SHTN1: variants seen among roughly 807,000 people sequenced by gnomAD.
SHTN1 encodes shootin 1.
SHTN1 carries 42 observed loss-of-function variants against 83.1 expected under a neutral mutation model. The observed-to-expected ratio is 0.51, with a 90% CI of 0.39 to 0.65. SHTN1 has a LOEUF of 0.65. Ranked by LOEUF, SHTN1 falls within the 30% of genes least tolerant of loss-of-function variation. The pLI, the probability that SHTN1 is intolerant of heterozygous loss-of-function variation, is 0.00. For synonymous variants in SHTN1, 224 were observed against 247.7 expected (o/e 0.90, Z 0.90); for missense variants, 622 against 737.8 (o/e 0.84, Z 1.82).
intron 2 of SHTN1, among the ~76,000 whole-genome samples, chr10:117,042,073 G>C (rs900471136): frequency 6.6e-6 from 1 of 152,144 alleles, no homozygotes. Flanking sequence ...AGAGGAAGCA[G>C]GTAAGGAGAA....
At chr10:117,040,990 C>T (rs1852576500) in intron 2 of SHTN1, among the ~76,000 whole-genome samples, 2 of 151,808 alleles carry the variant, frequency 1.3e-5, no homozygotes, top group South Asian at 4.1e-4. Flanking sequence ...GGTACATATG[C>T]ACAACGTGCA....
At position 116,960,483 on chromosome 10, in the gene SHTN1, G is replaced by A. The variant is rs181445293; in HGVS notation, c.173-253C>T. 1.1e-4 allele frequency among the ~76,000 whole-genome samples: 16 copies of A among 152,112 alleles called. No individual in the cohort carries two copies. The East Asian group carries it at 2.5e-3, about 24-fold the overall frequency. ...ATTTTATTATGTACATTTTAAGAGCGCTATTTAGATTTTTTTACAAGTCTA... is the reference window on the plus strand; with the variant it reads ...ATTTTATTATGTACATTTTAAGAGCACTATTTAGATTTTTTTACAAGTCTA... On this transcript the variant is annotated intron_variant, in intron 3 of 16. Coordinates refer to ENST00000355371, the MANE Select transcript of SHTN1 (RefSeq NM_001127211.3).
chr10:117,061,920 T>C (rs1852910727), intron 1 of SHTN1, among the ~76,000 whole-genome samples: 1 of 152,224 alleles, frequency 6.6e-6, no homozygotes, highest in African/African-American at 2.4e-5. Flanking sequence ...TGATTCTCTT[T>C]CTGAATTGAA....
intron 14 of SHTN1, among the ~76,000 whole-genome samples, chr10:116,910,027 A>G (rs751103420): frequency 3.3e-5 from 5 of 152,164 alleles, no homozygotes; most frequent in Non-Finnish European, 7.3e-5. Context: ...AATAATCCTA[A>G]CAGTCTGAAC....
chr10:116,974,428 C>A (rs537707820), intron 2 of SHTN1, among the ~76,000 whole-genome samples: 6 of 152,052 alleles, frequency 3.9e-5, no homozygotes, highest in African/African-American at 1.4e-4. Context: ...TACTTTGAGA[C>A]CTTCATCTCT....
chr10:116,890,052 T>A (rs1275108205), intron 16 of SHTN1, among the ~76,000 whole-genome samples: 3 of 152,198 alleles, frequency 2.0e-5, no homozygotes, highest in Non-Finnish European at 4.4e-5. Context: ...ACTCTAGTAG[T>A]CATGGTGGCA....
At chr10:116,939,046 C>A (rs749832927) in intron 9 of SHTN1, among the ~76,000 whole-genome samples, 1 of 152,204 alleles carries the variant, frequency 6.6e-6, no homozygotes, top group South Asian at 2.1e-4. Flanking sequence ...AGGTTGACCT[C>A]AGACTGCTGT....
intron 3 of SHTN1, among the ~76,000 whole-genome samples, chr10:116,966,899 TAC>T (rs1850415163): frequency 6.6e-6 from 1 of 152,216 alleles, no homozygotes; most frequent in Non-Finnish European, 1.5e-5. Context: ...TTGGAATTCA[TAC>T]ATTTGCAAAT....
chr10:116,940,934 A>G (rs180941287), intron 8 of SHTN1, among the ~76,000 whole-genome samples: 12 of 152,302 alleles, frequency 7.9e-5, no homozygotes, highest in Admixed American at 5.9e-4. Context: ...TGTGTACTCC[A>G]CTAAATATTT....
intron 9 of SHTN1, among the ~76,000 whole-genome samples, chr10:116,938,898 C>T (rs1849265073): frequency 1.3e-5 from 2 of 152,350 alleles, no homozygotes; most frequent in Admixed American, 6.5e-5. Context: ...AGTCTAGCTA[C>T]AGCAGCTTGG....
At chr10:116,918,413 T>C (rs1848445322) in intron 12 of SHTN1, among the ~76,000 whole-genome samples, 1 of 152,080 alleles carries the variant, frequency 6.6e-6, no homozygotes, top group Non-Finnish European at 1.5e-5. Flanking sequence ...CGAAAATGAA[T>C]TTCCAAATTC....
chr10:117,093,983 A>G (rs1281152308), intron 1 of SHTN1, among the ~76,000 whole-genome samples: 3 of 152,158 alleles, frequency 2.0e-5, no homozygotes, highest in Non-Finnish European at 4.4e-5. Context: ...CTTCCAATAT[A>G]TTATTTTTGA....
intron 9 of SHTN1, among the ~76,000 whole-genome samples, chr10:116,936,139 TG>T (rs1849150809): frequency 6.6e-6 from 1 of 152,166 alleles, no homozygotes; most frequent in South Asian, 2.1e-4. Flanking sequence ...CTGATTTTTT[TG>T]AAGGATTTTT....
chr10:116,954,990 T>C (rs992318655), intron 4 of SHTN1, among the ~76,000 whole-genome samples: 1 of 151,934 alleles, frequency 6.6e-6, no homozygotes, highest in African/African-American at 2.4e-5. Flanking sequence ...TCAGAGATTC[T>C]ATGGAAGTCT....
chr10:117,075,459 T>A (rs1216282011), intron 1 of SHTN1, among the ~76,000 whole-genome samples: 2 of 152,254 alleles, frequency 1.3e-5, no homozygotes, highest in Non-Finnish European at 2.9e-5. Flanking sequence ...CCAGGTATTC[T>A]GTTAGACACT....
chr10:117,122,842 A>G (rs1260474468), intron 1 of SHTN1, among the ~76,000 whole-genome samples: 1 of 152,222 alleles, frequency 6.6e-6, no homozygotes, highest in Non-Finnish European at 1.5e-5. Flanking sequence ...AATAATAATT[A>G]AAGTACTTTA....
chr10:116,915,291 G>A, intron 13 of SHTN1, 84 bp downstream of exon 13: 1 of 771,850 alleles, frequency 1.3e-6, no homozygotes, highest in Non-Finnish European at 2.3e-6. Flanking sequence ...AGTGGGTCCT[G>A]ATGCAGCTTT....
chr10:116,906,087 A>G (rs1199093067), intron 15 of SHTN1, among the ~76,000 whole-genome samples: 1 of 152,252 alleles, frequency 6.6e-6, no homozygotes, highest in African/African-American at 2.4e-5. Flanking sequence ...CTGATGTGTA[A>G]TTTCTACTGC....
At chr10:117,091,741 T>C (rs1281492064) in intron 1 of SHTN1, among the ~76,000 whole-genome samples, 1 of 152,202 alleles carries the variant, frequency 6.6e-6, no homozygotes, top group Non-Finnish European at 1.5e-5. Flanking sequence ...TATGGTCCCT[T>C]GCCCTACTTT....
Sources: allele counts gnomAD v4.1 joint callset (sites outside exome capture counted in the v4.1 genomes callset), GRCh38; gene constraint gnomAD v4.1.1; transcripts MANE v1.5; gene names NCBI Gene and HGNC (gene_info 2026-07-23, HGNC 2026-07-21).